COL8A2: variants seen among roughly 807,000 people sequenced by gnomAD.
The protein encoded by COL8A2 is collagen type VIII alpha 2 chain.
In COL8A2, 16 loss-of-function variants were observed where a neutral mutation model predicts 24.0. The observed-to-expected ratio is 0.67, with a 90% CI of 0.45 to 1.01. COL8A2 has a LOEUF of 1.01. COL8A2 is among the 50% of genes least tolerant of loss of function. The pLI is 0.00. For synonymous variants in COL8A2, 466 were observed against 424.5 expected (o/e 1.10, Z -1.20); for missense variants, 818 against 942.4 (o/e 0.87, Z 1.73).
At chr1:36,114,088 G>C (rs1455009360) in intron 2 of COL8A2, among the ~76,000 whole-genome samples, 1 of 152,090 alleles carries the variant, frequency 6.6e-6, no homozygotes, top group Non-Finnish European at 1.5e-5. Flanking sequence ...GGAGGCTGAG[G>C]CAGGCAGATC....
rs1422115532 is a variant in COL8A2 at position 36,123,427 on chromosome 1, C to T, written c.-62+1630G>A. Among the ~76,000 whole-genome samples the T allele has an allele frequency of 6.6e-6, 1 of 152,250 alleles. No homozygotes were observed. The highest frequency in any genetic ancestry group is 1.5e-5 in the Non-Finnish European group (1 of 68,046). ...CTTTCTCCTCCCTCTTGCTAACAGA[C>T]ACATTCACTTCCATATTTTCTTTCC... is the stretch of plus-strand genomic sequence containing the variant. On this transcript the variant is annotated intron_variant, in intron 1 of 3. Coordinates refer to ENST00000397799, the MANE Select transcript of COL8A2 (RefSeq NM_005202.4). This position sits in a 1 kb window ranked among gnomAD's most constrained non-coding sequence, Gnocchi z 4.1.
At chr1:36,109,789 G>A (rs1280548707) in intron 2 of COL8A2, among the ~76,000 whole-genome samples, 2 of 151,642 alleles carry the variant, frequency 1.3e-5, no homozygotes, top group Non-Finnish European at 2.9e-5. Context: ...TTTCTACTAG[G>A]TAGACACCAT....
At chr1:36,104,333 A>C (rs1321962611) in intron 2 of COL8A2, among the ~76,000 whole-genome samples, 2 of 150,994 alleles carry the variant, frequency 1.3e-5, no homozygotes, top group East Asian at 3.9e-4. Flanking sequence ...CTCTACTAAA[A>C]ATACAAAAAT....
In COL8A2 at chr1:36,123,598, G is replaced by C. The variant is rs1284013457; in HGVS notation, c.-62+1459C>G. The stretch of plus-strand genomic sequence containing the variant: ...GTCTGAGTATGTCTGGCTGGGCCAC[G>C]TGGGGCCTGCCATGTGTCTGTAGGA... On this transcript the variant is annotated intron_variant, in intron 1 of 3. Transcript: ENST00000397799. This position sits in a 1 kb window ranked among gnomAD's most constrained non-coding sequence, Gnocchi z 4.1. 1.3e-5 allele frequency among the ~76,000 whole-genome samples: 2 copies of C among 152,100 alleles called. No individual in the cohort carries two copies. Among genetic ancestry groups the C allele is most frequent in the Non-Finnish European group, 2.9e-5 (2 of 68,026 alleles).
chr1:36,098,311 C>A lies in COL8A2; in HGVS notation c.1370G>T (p.Gly457Val). The part of the protein sequence containing the change: ...KGDLGLPGQP[G>V]LRGPSGIPGL... ...TGGGATTCCTGAGGGACCCCTCAGGCCAGGCTGCCCAGGGAGCCCCAAGTC... is the reference window on the plus strand; with the variant it reads ...TGGGATTCCTGAGGGACCCCTCAGGACAGGCTGCCCAGGGAGCCCCAAGTC... The change falls in exon 4 of 4, where the codon GGC (glycine) becomes GTC (valine). Residue 457 changes from glycine to valine, a missense_variant. By Grantham distance (109) the Gly-to-Val change is moderately radical (BLOSUM62 -3). Around this residue, in one of 3 missense-constraint regions of COL8A2, gnomAD observed 573 missense variants for 616.8 expected, o/e 0.93. Transcript: ENST00000397799. 6.5e-7 allele frequency: 1 copy of A among 1,547,908 alleles called. No homozygotes were observed. The highest frequency in any genetic ancestry group is 8.7e-7 in the Non-Finnish European group (1 of 1,146,356).
chr1:36,120,546 G>A (rs1001817420), intron 1 of COL8A2, among the ~76,000 whole-genome samples: 66 of 151,024 alleles, frequency 4.4e-4, no homozygotes, highest in African/African-American at 1.6e-3. Context: ...TCAGGAGTTC[G>A]AGAACAGCCT....
In COL8A2 at chr1:36,125,111, C is replaced by A. The variant is rs1038720137; in HGVS notation, c.-116G>T. 1 of 964,070 alleles carries A rather than the reference C, an allele frequency of 1.0e-6. No homozygotes were observed. Among genetic ancestry groups the A allele is most frequent in the African/African-American group, 1.8e-5 (1 of 56,258 alleles). 59.7% of individuals were successfully genotyped at this position (964,070 alleles called of 1,614,324 possible). On this transcript the variant is annotated 5_prime_UTR_variant, in exon 1 of 4. Coordinates refer to ENST00000397799, the MANE Select transcript of COL8A2 (RefSeq NM_005202.4). The surrounding 1 kb of genome is among the most constrained non-coding windows in gnomAD (Gnocchi z 4.5). ...CGGCCCTCGAGGGCGGCCCGGGCGG[C>A]GAGGGCTCCGGGCAGGGGCGTCCGC...
intron 2 of COL8A2, among the ~76,000 whole-genome samples, chr1:36,102,383 C>T (rs1643689552): frequency 6.6e-6 from 1 of 152,116 alleles, no homozygotes; most frequent in Admixed American, 6.5e-5. Context: ...TGGGCACAGC[C>T]TCGGCCTCCC....
At chr1:36,099,991 G>C in intron 3 of COL8A2, 59 bp downstream of exon 3, 1 of 1,517,240 alleles carries the variant, frequency 6.6e-7, no homozygotes, top group Non-Finnish European at 9.1e-7. Flanking sequence ...CTCTCAGGGA[G>C]GCAGGGGATT....
intron 2 of COL8A2, among the ~76,000 whole-genome samples, chr1:36,108,501 AT>A (rs1643792991): frequency 6.6e-6 from 1 of 152,226 alleles, no homozygotes; most frequent in African/African-American, 2.4e-5. Flanking sequence ...GGAGACGCTG[AT>A]TCAGAGGACG....
At chr1:36,114,450 C>T (rs535436597) in intron 2 of COL8A2, among the ~76,000 whole-genome samples, 1 of 152,296 alleles carries the variant, frequency 6.6e-6, no homozygotes, top group South Asian at 2.1e-4. Context: ...TGGGCTCCTC[C>T]CCCAACACAC....
At chr1:36,100,389 A>C in intron 2 of COL8A2, 131 bp from the exon 3 acceptor site, 2 of 887,326 alleles carry the variant, frequency 2.3e-6, no homozygotes, top group Non-Finnish European at 3.5e-6. Flanking sequence ...AGCAATTCCG[A>C]ATTTAGATAT....
rs372280 is a variant in COL8A2 at position 36,098,762 on chromosome 1, G to T, written c.919C>A (p.Pro307Thr). ...AKGEPGTRGP[P>T]GLIGPTGYGM... The stretch of plus-strand genomic sequence containing the variant: ...TAGCCAGTGGGGCCTATCAGCCCAG[G>T]GGGGCCCCGGGTCCCTGGCTCCCCT... Residue 307 changes from proline to threonine, a missense_variant, in exon 4 of 4, where the codon CCT (proline) becomes ACT (threonine). This residue lies in a region of COL8A2 where 573 missense variants were observed against 616.8 expected (regional missense o/e 0.93). Coordinates refer to ENST00000397799, the MANE Select transcript of COL8A2 (RefSeq NM_005202.4). The T allele has an allele frequency of 6.2e-7, 1 of 1,611,922 alleles. No homozygotes were observed.
At chr1:36,104,895 A>G (rs186731468) in intron 2 of COL8A2, among the ~76,000 whole-genome samples, 18 of 152,286 alleles carry the variant, frequency 1.2e-4, no homozygotes, top group African/African-American at 4.3e-4. Flanking sequence ...CACCTGGCTC[A>G]GAGTGGGCTC....
At position 36,098,620 on chromosome 1, in the gene COL8A2, T is replaced by C. The variant is rs773973727; in HGVS notation, c.1061A>G (p.Gln354Arg). The C allele has an allele frequency of 6.2e-7, 1 of 1,611,340 alleles. No individual in the cohort carries two copies. The highest frequency in any genetic ancestry group is 8.5e-7 in the Non-Finnish European group (1 of 1,179,434). The change falls in exon 4 of 4, where the codon CAG becomes CGG. Residue 354 changes from glutamine (Q) to arginine (R), a missense_variant. Coordinates refer to ENST00000397799, the MANE Select transcript of COL8A2 (RefSeq NM_005202.4). The part of the protein sequence containing the change: ...EDGEPGEQGP[Q>R]GLGGPPGLPG... ...AAGTCCAGGGGGACCCCCAAGACCC[T>C]GTGGGCCCTGCTCCCCTGGCTCCCC...
intron 2 of COL8A2, among the ~76,000 whole-genome samples, chr1:36,104,492 A>G (rs1376055746): frequency 6.6e-6 from 1 of 151,104 alleles, no homozygotes; most frequent in Non-Finnish European, 1.5e-5. Flanking sequence ...CTCTGCCTCA[A>G]ATAAATAAAT....
intron 1 of COL8A2, among the ~76,000 whole-genome samples, chr1:36,118,190 T>C (rs571088634): frequency 6.6e-6 from 1 of 152,352 alleles, no homozygotes; most frequent in South Asian, 2.1e-4. Flanking sequence ...GGAGGAGCAC[T>C]GGGTCCCAGA....
Position 36,098,033 on chromosome 1 carries a change from C to T in COL8A2, c.1648G>A (p.Gly550Ser), listed in dbSNP as rs745415315. ...GIAGLHLPNG[G>S]VEGAVLGKGG... ...TTGCCCAGCACGGCACCCTCCACAC[C>T]GCCGTTGGGCAGGTGCAAGCCTGCG... Residue 550 changes from glycine (G) to serine (S), a missense_variant, in exon 4 of 4, where the codon GGT becomes AGT. Around this residue, in one of 3 missense-constraint regions of COL8A2, gnomAD observed 235 missense variants for 297.3 expected, o/e 0.79. Transcript: ENST00000397799. 37 of 1,592,764 alleles carry T rather than the reference C, an allele frequency of 2.3e-5. No homozygotes were observed. Among genetic ancestry groups the T allele is most frequent in the East Asian group, 6.7e-5 (3 of 44,572 alleles).
Position 36,098,168 on chromosome 1 carries a change from G to A in COL8A2, c.1513C>T (p.Pro505Ser). The A allele has an allele frequency of 6.6e-7, 1 of 1,504,118 alleles. No homozygotes were observed. 93.2% of individuals were successfully genotyped at this position (1,504,118 alleles called of 1,614,324 possible). A position where few individuals can be genotyped will look rare whatever the true frequency, so the allele number is the denominator to read the frequency against. The change falls in exon 4 of 4, where the codon CCC (proline) becomes TCC (serine). Residue 505 changes from proline to serine, a missense_variant. Transcript: ENST00000397799. ...GRAGEPGTAG[P>S]TGPPGVPGSP... The stretch of plus-strand genomic sequence containing the variant: ...CCAGGGACCCCTGGGGGCCCCGTGG[G>A]CCCAGCCGTGCCAGGTTCCCCTGCT...
Sources: allele counts gnomAD v4.1 joint callset (sites outside exome capture counted in the v4.1 genomes callset), GRCh38; gene constraint gnomAD v4.1.1; regional missense constraint gnomAD v4.1.1; non-coding constraint Gnocchi (gnomAD v3.1); transcripts MANE v1.5; gene names NCBI Gene and HGNC (gene_info 2026-07-23, HGNC 2026-07-21).